Variants in RPGRIP1L observed in about 807,000 individuals in gnomAD.
RPGRIP1L encodes the protein protein fantom.
RPGRIP1L carries 131 observed loss-of-function variants against 160.4 expected under a neutral mutation model. The observed-to-expected ratio is 0.82, with a 90% CI of 0.71 to 0.94. The LOEUF (loss-of-function observed/expected upper bound fraction) is 0.94, where lower values mean the gene tolerates loss of function less well. Among genes scored for constraint, RPGRIP1L ranks in the 40% least tolerant of loss-of-function variants. RPGRIP1L has a pLI of 0.00. For missense variants in RPGRIP1L, 1,522 were observed against 1,535.8 expected, an observed-to-expected ratio of 0.99 and a Z score of 0.15; for synonymous variants, 510 against 515.8, an observed-to-expected ratio of 0.99 and a Z score of 0.15.
At chr16:53,695,189 G>A (rs560562227) in intron 3 of RPGRIP1L, 6 of 583,954 alleles carry the variant, frequency 1.0e-5, no homozygotes, top group African/African-American at 1.9e-5. Flanking sequence ...TTGTTAGGTG[G>A]TCATAGCAGA....
rs1240901890 is a variant in RPGRIP1L at position 53,658,876 on chromosome 16, GA to G, written c.1245del (p.Gln416LysfsTer30). The G allele has an allele frequency of 6.4e-7, 1 of 1,574,330 alleles. No homozygotes were observed. Among genetic ancestry groups the G allele is most frequent in the South Asian group, 1.1e-5 (1 of 88,682 alleles). ...TTCTCTTGAACGAGTTTTTCATTTT[GA>G]TCTTAAAAATAAAGTCCACACAATT... ...EILDRLKTERDQNEKLVQENR... is the reference protein window; with the variant it reads ...EILDRLKTERXQNEKLVQENR... On this transcript the variant is annotated frameshift_variant and splice_region_variant, in exon 11 of 27. Transcript: ENST00000647211. LOFTEE classifies it high-confidence loss of function.
intron 5 of RPGRIP1L, 110 bp from the exon 6 acceptor site, chr16:53,686,686 AT>A: frequency 1.8e-6 from 2 of 1,108,814 alleles, no homozygotes; most frequent in Non-Finnish European, 2.7e-6. Flanking sequence ...AAGTTAAAAA[AT>A]TTAGCTTAAG....
At chr16:53,625,519 T>A (rs1388079280) in intron 22 of RPGRIP1L, among the ~76,000 whole-genome samples, 1 of 96,404 alleles carries the variant, frequency 1.0e-5, no homozygotes, top group Admixed American at 9.6e-5. Flanking sequence ...GTCTAGGGGG[T>A]GAGGGGGGGG....
intron 16 of RPGRIP1L, among the ~76,000 whole-genome samples, chr16:53,648,099 G>C (rs902778296): frequency 9.9e-6 from 1 of 101,400 alleles, no homozygotes; most frequent in Admixed American, 1.4e-4. Flanking sequence ...GCAAGACTCC[G>C]TCTCAAAAAA....
At chr16:53,700,835 C>T (rs754904748) in intron 1 of RPGRIP1L, 105 bp from the exon 2 acceptor site, 33 of 806,126 alleles carry the variant, frequency 4.1e-5, no homozygotes, top group Non-Finnish European at 5.8e-5. Flanking sequence ...CTTTAATGGG[C>T]ATCTTATTGT....
At chr16:53,650,534 G>A (rs1966844608) in intron 15 of RPGRIP1L, among the ~76,000 whole-genome samples, 1 of 151,994 alleles carries the variant, frequency 6.6e-6, no homozygotes, top group Admixed American at 6.6e-5. Flanking sequence ...GACCAGCCTG[G>A]GCAACAGAGT....
chr16:53,607,944 G>C (rs1963787985), intron 25 of RPGRIP1L: 1 of 982,268 alleles, frequency 1.0e-6, no homozygotes. Context: ...AAAACAAAAA[G>C]GCCAACTTTG....
intron 13 of RPGRIP1L, 51 bp downstream of exon 13, chr16:53,657,399 AATC>A: frequency 8.2e-7 from 1 of 1,217,974 alleles, no homozygotes; most frequent in South Asian, 1.2e-5. Flanking sequence ...TTAGAAAATA[AATC>A]ATCAGAATAT....
Position 53,652,562 on chromosome 16 carries a change from G to C in RPGRIP1L, c.2125C>G (p.Arg709Gly), listed in dbSNP as rs1037406858. 1 of 1,613,694 alleles carries C rather than the reference G, an allele frequency of 6.2e-7. No homozygotes were observed. Among genetic ancestry groups the C allele is most frequent in the African/African-American group, 1.3e-5 (1 of 74,964 alleles). Residue 709 changes from arginine to glycine, a missense_variant, in exon 15 of 27, where the codon CGA (arginine) becomes GGA (glycine). Coordinates refer to ENST00000647211, the MANE Select transcript of RPGRIP1L (RefSeq NM_015272.5). Reference protein sequence around the residue: ...KFHEILEKSGRIFCTASLIGT... With the variant: ...KFHEILEKSGGIFCTASLIGT... ...ATCAAACTTGCTGTACAAAATATTCGGCCGCTTTTTTCAAGAATTTCGTGA... is the reference window on the plus strand; with the variant it reads ...ATCAAACTTGCTGTACAAAATATTCCGCCGCTTTTTTCAAGAATTTCGTGA...
In RPGRIP1L at chr16:53,675,072, A is replaced by G; in HGVS notation, c.827T>C (p.Val276Ala). 1 of 1,611,864 alleles carries G rather than the reference A, an allele frequency of 6.2e-7. No homozygotes were observed. The highest frequency in any genetic ancestry group is 8.5e-7 in the Non-Finnish European group (1 of 1,178,988). The change falls in exon 7 of 27, where the codon GTA becomes GCA. Residue 276 changes from valine to alanine, a missense_variant. Transcript: ENST00000647211. Reference sequence around the variant, plus strand: ...TGCTGAAAGAGCATTGCTTTTCTCTACTAGCTGTTTATGAAGCTTAATCAT... The same window carrying G: ...TGCTGAAAGAGCATTGCTTTTCTCTGCTAGCTGTTTATGAAGCTTAATCAT... ...VEMIKLHKQLVEKSNALSAME... is the reference protein window; with the variant it reads ...VEMIKLHKQLAEKSNALSAME...
At chr16:53,695,486 G>A (rs1172650771) in intron 3 of RPGRIP1L, 1 of 700,554 alleles carries the variant, frequency 1.4e-6, no homozygotes, top group African/African-American at 1.7e-5. Flanking sequence ...ATACAGACCT[G>A]CTCATGATTA....
intron 5 of RPGRIP1L, 29 bp from the exon 6 acceptor site, chr16:53,686,605 G>A: frequency 6.2e-7 from 1 of 1,612,206 alleles, no homozygotes; most frequent in Non-Finnish European, 8.5e-7. Context: ...GTAAGAACTT[G>A]TAGTTTGAGG....
At chr16:53,687,730 G>T in intron 5 of RPGRIP1L, 133 bp downstream of exon 5, 1 of 666,314 alleles carries the variant, frequency 1.5e-6, no homozygotes, top group Non-Finnish European at 2.7e-6. Context: ...AACATCTGTT[G>T]TTACCCTACA....
intron 22 of RPGRIP1L, among the ~76,000 whole-genome samples, chr16:53,625,855 C>T (rs1965117753): frequency 1.3e-5 from 2 of 152,060 alleles, no homozygotes; most frequent in African/African-American, 4.8e-5. Context: ...CAACCCCGTG[C>T]TCTCTGAAAC....
chr16:53,679,952 C>G (rs1017878441), intron 6 of RPGRIP1L, among the ~76,000 whole-genome samples: 4 of 152,152 alleles, frequency 2.6e-5, no homozygotes, highest in Admixed American at 2.0e-4. Context: ...GGAAACAACA[C>G]TCAAATCTCG....
chr16:53,644,663 G>C (rs2151076736), intron 17 of RPGRIP1L, among the ~76,000 whole-genome samples: 1 of 152,314 alleles, frequency 6.6e-6, no homozygotes, highest in African/African-American at 2.4e-5. Context: ...TAAGTGGTCT[G>C]ATGTACTCAA....
In RPGRIP1L at chr16:53,675,577, C is replaced by T. The variant is rs545534791; in HGVS notation, c.777-455G>A. Among the ~76,000 whole-genome samples the T allele has an allele frequency of 7.2e-5, 11 of 152,218 alleles. No homozygotes were observed. In the East Asian group the frequency reaches 1.7e-3, roughly 24 times the overall value. On this transcript the variant is annotated intron_variant, in intron 6 of 26. Coordinates refer to ENST00000647211, the MANE Select transcript of RPGRIP1L (RefSeq NM_015272.5). ...ATTCATCTTTCTACAACTCTCTCGA[C>T]GCAAATGGCATCATAAGATTACCAT...
chr16:53,698,119 C>T (rs540795527), intron 2 of RPGRIP1L, among the ~76,000 whole-genome samples: 42 of 151,228 alleles, frequency 2.8e-4, no homozygotes, highest in African/African-American at 7.3e-4. Flanking sequence ...GGAGACCCTC[C>T]GCCCGGCAAC....
intron 3 of RPGRIP1L, chr16:53,693,593 C>T (rs1970534805): frequency 6.6e-6 from 1 of 152,306 alleles, no homozygotes; most frequent in Non-Finnish European, 1.5e-5. Flanking sequence ...ATTAAGCATG[C>T]TTTATAAAGG....
Sources: gnomAD v4.1 joint callset for allele counts (sites outside exome capture counted in the v4.1 genomes callset) on GRCh38, gnomAD v4.1.1 for gene constraint, MANE v1.5 for transcripts, NCBI Gene and HGNC (gene_info 2026-07-23, HGNC 2026-07-21) for gene names.